CCSER1: variants seen among roughly 807,000 people sequenced by gnomAD.
CCSER1 encodes coiled-coil serine rich protein 1.
CCSER1 carries 41 observed loss-of-function variants against 82.0 expected under a neutral mutation model. That is an observed-to-expected ratio of 0.50 (90% CI 0.39 to 0.65). CCSER1 has a LOEUF of 0.65. Among genes scored for constraint, CCSER1 ranks in the 30% least tolerant of loss-of-function variants. The pLI is 0.00. For missense variants in CCSER1, 1,119 were observed against 1,064.2 expected (o/e 1.05, Z -0.72); for synonymous variants, 414 against 383.9 (o/e 1.08, Z -0.92).
At chr4:90,971,663 A>G (rs747488135) in intron 9 of CCSER1, among the ~76,000 whole-genome samples, 53 of 151,958 alleles carry the variant, frequency 3.5e-4, no homozygotes, top group Non-Finnish European at 6.2e-4. Context: ...CTCATATTAC[A>G]AGGCCCAAAT....
chr4:90,646,378 G>A (rs369914123), intron 6 of CCSER1, among the ~76,000 whole-genome samples: 5 of 152,128 alleles, frequency 3.3e-5, no homozygotes, highest in African/African-American at 1.2e-4. Flanking sequence ...TGTTCATTGG[G>A]TTTGAGTGTG....
At chr4:90,973,391 G>C (rs1436454286) in intron 9 of CCSER1, among the ~76,000 whole-genome samples, 1 of 151,572 alleles carries the variant, frequency 6.6e-6, no homozygotes, top group Non-Finnish European at 1.5e-5. Flanking sequence ...TGTATGAAAG[G>C]CCAACTGTTA....
intron 9 of CCSER1, among the ~76,000 whole-genome samples, chr4:90,943,815 A>T (rs1348021416): frequency 1.4e-5 from 2 of 143,714 alleles, no homozygotes; most frequent in Admixed American, 1.5e-4. Flanking sequence ...GCCTCAAAAC[A>T]TCTGCCTGCC....
At position 91,434,629 on chromosome 4, in the gene CCSER1, G is replaced by T. The variant is rs111949926; in HGVS notation, c.2218-163943G>T. Among the ~76,000 whole-genome samples the T allele has an allele frequency of 6.1e-4, 93 of 152,236 alleles. 2 individuals carry two copies. Among genetic ancestry groups the T allele is most frequent in the South Asian group, 3.9e-3 (19 of 4,830 alleles). On this transcript the variant is annotated intron_variant, in intron 10 of 10. Coordinates refer to ENST00000509176, the MANE Select transcript of CCSER1 (RefSeq NM_001145065.2). ...GAATATCCACAGCTTTCCATAACTG[G>T]TATGAAGATTGATGGCAGTTTTTTC...
chr4:91,223,179 G>A (rs1737885311), intron 10 of CCSER1, among the ~76,000 whole-genome samples: 1 of 151,880 alleles, frequency 6.6e-6, no homozygotes, highest in African/African-American at 2.4e-5. Flanking sequence ...CAAGCAAACA[G>A]GAAAGAAAAT....
chr4:91,544,836 G>A (rs1468597503), intron 10 of CCSER1, among the ~76,000 whole-genome samples: 2 of 152,148 alleles, frequency 1.3e-5, no homozygotes, highest in Non-Finnish European at 2.9e-5. Flanking sequence ...CTTCAAAGCT[G>A]TCAGACAGGG....
chr4:91,455,053 C>T (rs1371250345), intron 10 of CCSER1, among the ~76,000 whole-genome samples: 1 of 151,986 alleles, frequency 6.6e-6, no homozygotes, highest in Non-Finnish European at 1.5e-5. Context: ...ATTGCTGGAT[C>T]ATGTTTTGTA....
At chr4:91,330,227 A>G (rs1746852301) in intron 10 of CCSER1, among the ~76,000 whole-genome samples, 1 of 152,184 alleles carries the variant, frequency 6.6e-6, no homozygotes, top group Non-Finnish European at 1.5e-5. Flanking sequence ...AAATACATTT[A>G]ATTTTTTCTC....
At chr4:91,081,499 G>A (rs62312169) in intron 9 of CCSER1, among the ~76,000 whole-genome samples, 3,210 of 152,212 alleles carry the variant, frequency 0.021, 59 homozygotes, top group Non-Finnish European at 0.034. Flanking sequence ...TTGAAAATTG[G>A]CACAAAACAG....
chr4:90,466,059 G>T (rs560203059), intron 4 of CCSER1, among the ~76,000 whole-genome samples: 1 of 152,154 alleles, frequency 6.6e-6, no homozygotes, highest in Admixed American at 6.5e-5. Flanking sequence ...AAGATGACAC[G>T]TGACTCCAGC....
intron 5 of CCSER1, among the ~76,000 whole-genome samples, chr4:90,616,730 CACACACACAAATAAAAT>C (rs1327743494): frequency 0.024 from 2,106 of 88,358 alleles, 56 homozygotes; most frequent in African/African-American, 0.08. Flanking sequence ...CACACACACA[CACACACACAAATAAAAT>C]AAAATAAAAG....
chr4:90,843,115 C>A (rs768595181), intron 8 of CCSER1, among the ~76,000 whole-genome samples: 1 of 152,092 alleles, frequency 6.6e-6, no homozygotes, highest in African/African-American at 2.4e-5. Flanking sequence ...GGATTATTTG[C>A]ATGACCTTGG....
At chr4:91,147,968 T>C (rs975474166) in intron 10 of CCSER1, among the ~76,000 whole-genome samples, 2 of 152,200 alleles carry the variant, frequency 1.3e-5, no homozygotes, top group African/African-American at 4.8e-5. Context: ...TATATTTCTT[T>C]AGTAGATATA....
At chr4:91,330,544 G>C (rs1746878026) in intron 10 of CCSER1, among the ~76,000 whole-genome samples, 1 of 152,100 alleles carries the variant, frequency 6.6e-6, no homozygotes, top group African/African-American at 2.4e-5. Context: ...AGCTAAGTGA[G>C]GGCTTGTCTT....
chr4:91,132,684 T>A (rs1453175865), intron 10 of CCSER1, among the ~76,000 whole-genome samples: 1 of 152,216 alleles, frequency 6.6e-6, no homozygotes, highest in Non-Finnish European at 1.5e-5. Context: ...GGTTAACTAC[T>A]AGATTTGGAT....
chr4:90,782,916 G>A (rs1319245788), intron 7 of CCSER1, among the ~76,000 whole-genome samples: 2 of 149,318 alleles, frequency 1.3e-5, no homozygotes, highest in Non-Finnish European at 3.0e-5. Flanking sequence ...TCCTGTGATC[G>A]AGATCCCCCC....
chr4:91,218,240 G>A (rs1737442859), intron 10 of CCSER1, among the ~76,000 whole-genome samples: 1 of 152,226 alleles, frequency 6.6e-6, no homozygotes, highest in Non-Finnish European at 1.5e-5. Flanking sequence ...CCCGGGGCCA[G>A]AAGGGTTGGC....
At chr4:90,176,642 G>A (rs899428834) in intron 1 of CCSER1, among the ~76,000 whole-genome samples, 2 of 151,806 alleles carry the variant, frequency 1.3e-5, no homozygotes, top group African/African-American at 2.4e-5. Context: ...ACCACCTGTC[G>A]ATATCCAGAA....
chr4:91,352,662 A>T (rs1390715648), intron 10 of CCSER1, among the ~76,000 whole-genome samples: 1 of 152,248 alleles, frequency 6.6e-6, no homozygotes, highest in Non-Finnish European at 1.5e-5. Flanking sequence ...CTGATTTCTT[A>T]GACCAAATAA....
Sources: allele counts gnomAD v4.1 joint callset (sites outside exome capture counted in the v4.1 genomes callset), GRCh38; gene constraint gnomAD v4.1.1; transcripts MANE v1.5; gene names NCBI Gene and HGNC (gene_info 2026-07-23, HGNC 2026-07-21).